Variants in SHISA9 observed in about 807,000 individuals in gnomAD.
The protein encoded by SHISA9 is shisa family member 9.
Under a neutral mutation model 38.0 loss-of-function variants are expected in SHISA9, and 13 were observed. The observed-to-expected ratio is 0.34, with a 90% CI of 0.22 to 0.54. The LOEUF is 0.54. Among genes scored for constraint, SHISA9 ranks in the 20% least tolerant of loss-of-function variants. SHISA9 has a pLI of 0.91. For missense variants in SHISA9, 538 were observed against 575.8 expected, an observed-to-expected ratio of 0.93 and a Z score of 0.67; for synonymous variants, 275 against 242.0, an observed-to-expected ratio of 1.14 and a Z score of -1.27.
intron 2 of SHISA9, among the ~76,000 whole-genome samples, chr16:12,974,085 C>A (rs1041536718): frequency 6.6e-6 from 1 of 151,932 alleles, no homozygotes; most frequent in East Asian, 1.9e-4. Context: ...CCAAAGAGAC[C>A]AATTAGAAAG....
At chr16:13,077,559 A>G (rs1201355061) in intron 2 of SHISA9, among the ~76,000 whole-genome samples, 1 of 152,178 alleles carries the variant, frequency 6.6e-6, no homozygotes, top group East Asian at 1.9e-4. Flanking sequence ...AGCAGTTCTT[A>G]GAAAACTGGG....
At chr16:13,073,792 C>T (rs750704356) in intron 2 of SHISA9, among the ~76,000 whole-genome samples, 18 of 151,918 alleles carry the variant, frequency 1.2e-4, no homozygotes, top group Non-Finnish European at 2.2e-4. Flanking sequence ...GGGAACGAGG[C>T]GGATACAAGC....
the SHISA9 span, among the ~76,000 whole-genome samples, chr16:13,257,940 C>T: frequency 2.3e-4 from 35 of 152,302 alleles, 1 homozygote; most frequent in South Asian, 1.7e-3. Flanking sequence ...AAGCATCCTT[C>T]GCTAAATAAA....
At chr16:13,439,644 CA>C in the SHISA9 span, among the ~76,000 whole-genome samples, 4 of 152,088 alleles carry the variant, frequency 2.6e-5, no homozygotes, top group African/African-American at 9.6e-5. Flanking sequence ...AAAAATGGCA[CA>C]AAAAAATGGC....
At chr16:13,144,710 A>C (rs749843354) in intron 2 of SHISA9, among the ~76,000 whole-genome samples, 5 of 152,182 alleles carry the variant, frequency 3.3e-5, no homozygotes, top group Admixed American at 6.5e-5. Context: ...TTTATGCTGA[A>C]ACTGGACTTC....
intron 2 of SHISA9, among the ~76,000 whole-genome samples, chr16:12,951,442 T>C (rs567258070): frequency 6.6e-6 from 1 of 152,206 alleles, no homozygotes; most frequent in South Asian, 2.1e-4. Context: ...ACTCTGCAGT[T>C]GCAGAGGTGA....
At chr16:13,091,367 T>A (rs1285145967) in intron 2 of SHISA9, among the ~76,000 whole-genome samples, 1 of 152,186 alleles carries the variant, frequency 6.6e-6, no homozygotes. Flanking sequence ...TTGGGGGAGT[T>A]CTCCTGGATA....
chr16:13,065,870 A>G (rs1177654168), intron 2 of SHISA9, among the ~76,000 whole-genome samples: 1 of 152,192 alleles, frequency 6.6e-6, no homozygotes, highest in African/African-American at 2.4e-5. Context: ...TCCACAGCTC[A>G]ATTTGCAAGT....
intron 2 of SHISA9, among the ~76,000 whole-genome samples, chr16:13,059,490 G>A (rs2073350032): frequency 6.6e-6 from 1 of 151,994 alleles, no homozygotes; most frequent in Admixed American, 6.6e-5. Flanking sequence ...TGTGGGTGGG[G>A]GACATCACAT....
At chr16:13,246,829 T>C in the SHISA9 span, among the ~76,000 whole-genome samples, 2 of 152,112 alleles carry the variant, frequency 1.3e-5, no homozygotes, top group East Asian at 1.9e-4. Context: ...GATAAAGCAC[T>C]TAGAACTGTA....
the SHISA9 span, among the ~76,000 whole-genome samples, chr16:13,252,972 CACTCCTCTTCTT>C: frequency 2.0e-5 from 3 of 152,198 alleles, no homozygotes; most frequent in Non-Finnish European, 2.9e-5. Context: ...CTCCTCTTCT[CACTCCTCTTCTT>C]TAGCCTCCTC....
At chr16:13,134,766 G>A (rs1012845187) in intron 2 of SHISA9, among the ~76,000 whole-genome samples, 3 of 152,122 alleles carry the variant, frequency 2.0e-5, no homozygotes, top group Non-Finnish European at 2.9e-5. Context: ...AAACATCTTG[G>A]TGGCTTGAAA....
chr16:13,380,505 A>G, the SHISA9 span, among the ~76,000 whole-genome samples: 1 of 152,188 alleles, frequency 6.6e-6, no homozygotes, highest in Non-Finnish European at 1.5e-5. Flanking sequence ...TAATTTCCAG[A>G]TTAGAATTCT....
At chr16:12,935,293 T>G (rs2071514448) in intron 2 of SHISA9, among the ~76,000 whole-genome samples, 1 of 152,252 alleles carries the variant, frequency 6.6e-6, no homozygotes. Flanking sequence ...TGATCTCTTC[T>G]CTGCATTTAT....
intron 2 of SHISA9, among the ~76,000 whole-genome samples, chr16:12,962,178 T>A (rs2141794573): frequency 6.6e-6 from 1 of 152,312 alleles, no homozygotes; most frequent in Admixed American, 6.5e-5. Flanking sequence ...TGTCATTTCA[T>A]ACACATGATC....
intron 2 of SHISA9, among the ~76,000 whole-genome samples, chr16:13,169,798 A>C (rs2050669375): frequency 6.6e-6 from 1 of 152,220 alleles, no homozygotes; most frequent in Admixed American, 6.5e-5. Context: ...TCTGTGTCCC[A>C]GCTTCGGATC....
At position 13,144,494 on chromosome 16, in the gene SHISA9, T is replaced by A. The variant is rs371474079; in HGVS notation, c.692-58900T>A. Among the ~76,000 whole-genome samples, 12 of 152,236 alleles carry A rather than the reference T, an allele frequency of 7.9e-5. No homozygotes were observed. In the East Asian group the frequency reaches 2.1e-3, roughly 27 times the overall value. On this transcript the variant is annotated intron_variant, in intron 2 of 4. Transcript: ENST00000558583. Reference sequence around the variant, plus strand: ...TCACCTATCTCTGCTCTGGTGTGCATCTTGTATTCAGTGGGTAATTTGGCT... The same window carrying A: ...TCACCTATCTCTGCTCTGGTGTGCAACTTGTATTCAGTGGGTAATTTGGCT...
chr16:13,221,914 T>C (rs781328364), intron 4 of SHISA9, among the ~76,000 whole-genome samples: 3 of 152,228 alleles, frequency 2.0e-5, no homozygotes, highest in Non-Finnish European at 4.4e-5. Context: ...TGTATTAGTT[T>C]GTTTTCATGC....
intron 2 of SHISA9, among the ~76,000 whole-genome samples, chr16:12,922,832 A>G (rs572366464): frequency 6.6e-6 from 1 of 151,826 alleles, no homozygotes; most frequent in African/African-American, 2.4e-5. Context: ...CATTTTCTTT[A>G]TAGCATTTTG....
Sources: gnomAD v4.1 joint callset for allele counts (sites outside exome capture counted in the v4.1 genomes callset) on GRCh38, gnomAD v4.1.1 for gene constraint, MANE v1.5 for transcripts, NCBI Gene and HGNC (gene_info 2026-07-23, HGNC 2026-07-21) for gene names.